The following SYMPK variants were observed in gnomAD, a reference collection of about 807,000 sequenced individuals.
SYMPK encodes symplekin scaffold protein.
SYMPK carries 49 observed loss-of-function variants against 136.4 expected under a neutral mutation model. The observed-to-expected ratio is 0.36, with a 90% confidence interval of 0.29 to 0.46. The LOEUF is 0.46. SYMPK is among the 20% of genes least tolerant of loss of function. The pLI is 1.00. For synonymous variants in SYMPK, 766 were observed against 713.0 expected, an observed-to-expected ratio of 1.07 and a Z score of -1.19; for missense variants, 1,365 against 1,690.0, an observed-to-expected ratio of 0.81 and a Z score of 3.37.
intron 7 of SYMPK, among the ~76,000 whole-genome samples, 158 bp downstream of exon 7, chr19:45,847,593 TG>T (rs1281492387): frequency 6.6e-6 from 1 of 152,052 alleles, no homozygotes; most frequent in Non-Finnish European, 1.5e-5. Flanking sequence ...GAGTAAGCAG[TG>T]CAGCTGGGAT....
chr19:45,840,735 C>G (rs1486716575), intron 9 of SYMPK, among the ~76,000 whole-genome samples: 2 of 151,052 alleles, frequency 1.3e-5, no homozygotes, highest in Non-Finnish European at 2.9e-5. Context: ...TCCAGTTACT[C>G]AGGAAGCAGA....
intron 7 of SYMPK, 48 bp downstream of exon 7, chr19:45,847,704 G>A (rs1971598882): frequency 6.3e-7 from 1 of 1,578,136 alleles, no homozygotes; most frequent in Non-Finnish European, 8.6e-7. Context: ...TGAAGGAGAG[G>A]AAACTGGTGC....
chr19:45,851,494 CTT>C (rs2146340674), intron 5 of SYMPK, among the ~76,000 whole-genome samples: 1 of 151,754 alleles, frequency 6.6e-6, no homozygotes, highest in African/African-American at 2.4e-5. Context: ...ACAAGAATCT[CTT>C]GAGCCTGGGA....
chr19:45,831,126 G>A (rs1395198635), intron 12 of SYMPK: 3 of 339,170 alleles, frequency 8.8e-6, no homozygotes, highest in Non-Finnish European at 1.6e-5. Context: ...TGATCCTTAT[G>A]AGAAAGATAC....
intron 6 of SYMPK, among the ~76,000 whole-genome samples, chr19:45,848,359 C>T (rs1474564493): frequency 6.6e-6 from 1 of 152,208 alleles, no homozygotes; most frequent in Non-Finnish European, 1.5e-5. Context: ...ATAGAGTGTT[C>T]TTTTCCTATC....
chr19:45,850,642 C>T (rs544958523), intron 5 of SYMPK, among the ~76,000 whole-genome samples: 5 of 152,216 alleles, frequency 3.3e-5, no homozygotes, highest in South Asian at 4.1e-4. Context: ...GGGCACAGTA[C>T]GTGTTCCATG....
chr19:45,847,328 G>C (rs1243874805), intron 7 of SYMPK, among the ~76,000 whole-genome samples: 1 of 151,862 alleles, frequency 6.6e-6, no homozygotes, highest in Non-Finnish European at 1.5e-5. Flanking sequence ...GGAGGCTGAG[G>C]CAGAAGAATC....
rs1311588068 is a variant in SYMPK, at chr19:45,842,284, A to G, written c.1053T>C (p.Asp351=). The G allele has an allele frequency of 3.7e-6, 6 of 1,614,100 alleles. No homozygotes were observed. The highest frequency in any genetic ancestry group is 1.1e-5 in the South Asian group (1 of 91,086). ...TCTTCTTGAGTGTGGAGTCCGAGTC[A>G]TCGCGGGGCCGCTTGCGGGTGTCCT... ...SSKDTRKRPR[D]DSDSTLKKMK... The change falls in exon 9 of 27, where the codon GAT becomes GAC. Residue 351 remains aspartate (D), a synonymous_variant. Transcript: ENST00000245934.
chr19:45,840,758 G>C (rs1273174326), intron 9 of SYMPK, among the ~76,000 whole-genome samples: 1 of 151,748 alleles, frequency 6.6e-6, no homozygotes, highest in Non-Finnish European at 1.5e-5. Context: ...TATGAGAATT[G>C]CTTGAACCCG....
At chr19:45,826,457 G>A (rs1971046433) in intron 16 of SYMPK, 84 bp from the exon 17 acceptor site, 7 of 1,459,350 alleles carry the variant, frequency 4.8e-6, no homozygotes, top group Admixed American at 1.7e-5. Flanking sequence ...CAACACTCAC[G>A]TGAAAACAAG....
chr19:45,823,983 T>C (rs941692305), intron 18 of SYMPK, 108 bp from the exon 19 acceptor site: 2 of 691,120 alleles, frequency 2.9e-6, no homozygotes, highest in Non-Finnish European at 4.9e-6. Flanking sequence ...AGGGTGAGAC[T>C]GAGGTGACAG....
chr19:45,849,255 A>G (rs1230173355), intron 5 of SYMPK, among the ~76,000 whole-genome samples: 1 of 152,242 alleles, frequency 6.6e-6, no homozygotes, highest in Non-Finnish European at 1.5e-5. Context: ...AGTGCCTGAC[A>G]TGCAGAAAGC....
chr19:45,815,463 TTTTA>T lies in SYMPK; in HGVS notation c.*93_*96del. 1.7e-6 allele frequency: 2 copies of T among 1,179,198 alleles called. No homozygotes were observed. The highest frequency in any genetic ancestry group is 2.8e-5 in the East Asian group (1 of 36,214). The allele number at this position is 1,179,198 out of a possible 1,614,324, so 73.0% of individuals were successfully genotyped here. A position where few individuals can be genotyped will look rare whatever the true frequency, so the allele number is the denominator to read the frequency against. ...TCAGTAACTTGCCCAAGTTCACATC[TTTTA>T]TTTCTTTTTAAGGCAAAGCACCCGC... is the stretch of plus-strand genomic sequence containing the variant. On this transcript the variant is annotated 3_prime_UTR_variant, in exon 27 of 27. Transcript: ENST00000245934.
chr19:45,821,164 G>C lies in SYMPK; in HGVS notation c.2893+220C>G. 1.9e-6 allele frequency: 1 copy of C among 531,318 alleles called. No individual in the cohort carries two copies. The highest frequency in any genetic ancestry group is 1.6e-5 in the South Asian group (1 of 64,132). The allele number at this position is 531,318 out of a possible 1,614,324, so 32.9% of individuals were successfully genotyped here. On this transcript the variant is annotated intron_variant, in intron 22 of 26. Transcript: ENST00000245934. This position sits in a 1 kb window ranked among gnomAD's most constrained non-coding sequence, Gnocchi z 4.4. ...AGGCAGAAAAAGGTGGGTTGTAAAGGGTAAAACCTGGGAGGAAGGAAGGAG... is the reference window on the plus strand; with the variant it reads ...AGGCAGAAAAAGGTGGGTTGTAAAGCGTAAAACCTGGGAGGAAGGAAGGAG...
chr19:45,827,741 C>T (rs994135069), intron 15 of SYMPK, 96 bp downstream of exon 15: 27 of 1,519,724 alleles, frequency 1.8e-5, no homozygotes, highest in Non-Finnish European at 2.2e-5. Context: ...CTCACAAAAC[C>T]CCCGGCCACA....
chr19:45,839,053 A>AT (rs1264536477), intron 9 of SYMPK, among the ~76,000 whole-genome samples: 9 of 151,856 alleles, frequency 5.9e-5, no homozygotes, highest in African/African-American at 1.9e-4. Context: ...GGCCCAGCTA[A>AT]TTTTTTTGTA....
At chr19:45,827,350 A>C (rs952459828) in intron 16 of SYMPK, among the ~76,000 whole-genome samples, 160 bp downstream of exon 16, 2 of 43,328 alleles carry the variant, frequency 4.6e-5, no homozygotes, top group African/African-American at 2.2e-4. Flanking sequence ...TGAAAATGAA[A>C]ATAAAACAGA....
At chr19:45,832,980 T>C (rs1971219982) in intron 11 of SYMPK, among the ~76,000 whole-genome samples, 3 of 150,472 alleles carry the variant, frequency 2.0e-5, no homozygotes, top group African/African-American at 4.9e-5. Context: ...GATCATGCCA[T>C]TGCACTCCAG....
chr19:45,861,166 G>A (rs1204107406), intron 1 of SYMPK, among the ~76,000 whole-genome samples: 1 of 152,074 alleles, frequency 6.6e-6, no homozygotes, highest in Non-Finnish European at 1.5e-5. Context: ...CAGCCTGGGC[G>A]ACAGAATGAG....
Sources: gnomAD v4.1 joint callset for allele counts (sites outside exome capture counted in the v4.1 genomes callset) on GRCh38, gnomAD v4.1.1 for gene constraint, Gnocchi (gnomAD v3.1) non-coding constraint, MANE v1.5 for transcripts, NCBI Gene and HGNC (gene_info 2026-07-23, HGNC 2026-07-21) for gene names.